Variants in PLCH2 observed in about 807,000 individuals in gnomAD.
The protein encoded by PLCH2 is phospholipase C eta 2, also known as 1-phosphatidylinositol 4,5-bisphosphate phosphodiesterase eta-2.
PLCH2 carries 98 observed loss-of-function variants against 134.7 expected under a neutral mutation model. The ratio of observed to expected loss-of-function variants is 0.73; its 90% CI spans 0.62 to 0.86. PLCH2 has a LOEUF of 0.86. Ranked by LOEUF, PLCH2 falls within the 40% of genes least tolerant of loss-of-function variation. The pLI, the probability that PLCH2 is intolerant of heterozygous loss-of-function variation, is 0.00. For synonymous variants in PLCH2, 974 were observed against 827.5 expected, an observed-to-expected ratio of 1.18 and a Z score of -3.04; for missense variants, 1,994 against 1,986.6, an observed-to-expected ratio of 1.00 and a Z score of -0.07.
intron 2 of PLCH2, among the ~76,000 whole-genome samples, chr1:2,432,519 C>G (rs917703654): frequency 5.9e-5 from 9 of 152,220 alleles, no homozygotes; most frequent in African/African-American, 2.2e-4. Flanking sequence ...GCTCCTGGGG[C>G]TAACGGGTGG....
intron 3 of PLCH2, 82 bp downstream of exon 3, chr1:2,480,059 C>T (rs1641877582): frequency 1.8e-5 from 28 of 1,579,080 alleles, no homozygotes; most frequent in Middle Eastern, 3.4e-4. Flanking sequence ...TGTCCTTTGC[C>T]GGGTCACACA....
rs552069075 is a variant in PLCH2, at chr1:2,458,136, G to C, written c.116-20340G>C. On this transcript the variant is annotated intron_variant, in intron 2 of 3. Transcript: ENST00000609981. ...ACCCAGGCCTGTCCTCGGGAGCTCT[G>C]ACAGCACAGGGAAGGTGGCCGGCTG... Among the ~76,000 whole-genome samples the C allele has an allele frequency of 7.2e-5, 11 of 152,316 alleles. No homozygotes were observed. In the East Asian group the frequency reaches 1.7e-3, roughly 24 times the overall value.
intron 15 of PLCH2, 145 bp from the exon 16 acceptor site, chr1:2,497,357 A>T: frequency 1.1e-5 from 7 of 649,380 alleles, no homozygotes; most frequent in Non-Finnish European, 1.9e-5. Flanking sequence ...TGAACCTTGG[A>T]GTCCCATTCA....
At chr1:2,485,771 C>G (rs2100676876) in intron 5 of PLCH2, among the ~76,000 whole-genome samples, 1 of 152,238 alleles carries the variant, frequency 6.6e-6, no homozygotes, top group Admixed American at 6.5e-5. Flanking sequence ...ATGGGAGTGG[C>G]AGGAGGAGCC....
At chr1:2,492,028 T>G (rs561883190) in intron 11 of PLCH2, among the ~76,000 whole-genome samples, 1 of 152,314 alleles carries the variant, frequency 6.6e-6, no homozygotes, top group African/African-American at 2.4e-5. Context: ...ACAGTGCTGG[T>G]GGGCGCCCAT....
At chr1:2,485,249 T>C (rs755512457) in intron 5 of PLCH2, among the ~76,000 whole-genome samples, 14 of 150,826 alleles carry the variant, frequency 9.3e-5, no homozygotes, top group Non-Finnish European at 1.8e-4. Context: ...AAGGACCTCA[T>C]TTCCAGAGGT....
intron 16 of PLCH2, chr1:2,497,959 G>C (rs1010280675): frequency 1.7e-5 from 5 of 301,898 alleles, no homozygotes; most frequent in African/African-American, 1.1e-4. Flanking sequence ...CTCAGGACCT[G>C]GGTCTGGGCT....
chr1:2,496,829 G>A lies in PLCH2; in HGVS notation c.1935G>A (p.Ala645=), dbSNP rs768071541. 1.3e-5 allele frequency: 21 copies of A among 1,611,592 alleles called. No homozygotes were observed. The highest frequency in any genetic ancestry group is 5.0e-5 in the Admixed American group (3 of 59,994). The change falls in exon 15 of 22, where the codon GCG becomes GCA. Residue 645 remains alanine (A), a splice_region_variant and synonymous_variant. Transcript: ENST00000378486. ...GATGCCCGGTCACCGGCGCCACAGC[G>A]GCGTCCAGCTGGCAGGTGTCGTCCT... is the stretch of plus-strand genomic sequence containing the variant. ...SVATHDIEME[A]ASSWQVSSFS... is the part of the protein sequence containing the mutation.
At position 2,448,003 on chromosome 1, in the gene PLCH2, G is replaced by A. The variant is rs560212406; in HGVS notation, c.115+17374G>A. Among the ~76,000 whole-genome samples the A allele has an allele frequency of 8.5e-5, 13 of 152,318 alleles. No individual in the cohort carries two copies. The East Asian group carries it at 1.9e-3, about 23-fold the overall frequency. On this transcript the variant is annotated intron_variant, in intron 2 of 3. Transcript: ENST00000609981. This position sits in a 1 kb window ranked among gnomAD's most constrained non-coding sequence, Gnocchi z 4.0. ...GAGATCATTCAGACCAGGCTGTGCC[G>A]CAGTGCCTGTGGGTGGAGGGCATGG...
At chr1:2,489,988 C>A in intron 10 of PLCH2, 121 bp downstream of exon 10, 1 of 736,066 alleles carries the variant, frequency 1.4e-6, no homozygotes, top group South Asian at 1.6e-5. Flanking sequence ...GACATTGGGG[C>A]AGATTCGCAC....
chr1:2,419,830 G>A, the PLCH2 span, among the ~76,000 whole-genome samples: 9 of 152,186 alleles, frequency 5.9e-5, no homozygotes, highest in South Asian at 4.1e-4. Context: ...GAAGCTGTCC[G>A]TAGAAGCTGG....
intron 2 of PLCH2, among the ~76,000 whole-genome samples, chr1:2,446,810 T>A (rs560844095): frequency 1.3e-5 from 2 of 152,264 alleles, no homozygotes; most frequent in African/African-American, 4.8e-5. Context: ...GGCAGGAATG[T>A]GATCATCCCT....
intron 4 of PLCH2, among the ~76,000 whole-genome samples, chr1:2,483,481 G>C (rs1411729000): frequency 6.6e-6 from 1 of 152,168 alleles, no homozygotes. Context: ...TAGGCACTGC[G>C]TCCCTTTGGG....
upstream of PLCH2, chr1:2,467,398 C>T (rs750506907): frequency 7.8e-6 from 3 of 385,888 alleles, no homozygotes; most frequent in African/African-American, 2.1e-5. Context: ...GGGGCTCCCA[C>T]GGGAGGGGCG....
intron 2 of PLCH2, among the ~76,000 whole-genome samples, chr1:2,447,342 C>T (rs1639989201): frequency 6.6e-6 from 1 of 152,226 alleles, no homozygotes; most frequent in South Asian, 2.1e-4. Context: ...GATCGCTGGA[C>T]CTGTGTTCCG....
At chr1:2,434,200 C>G (rs1199055776) in intron 2 of PLCH2, among the ~76,000 whole-genome samples, 3 of 152,256 alleles carry the variant, frequency 2.0e-5, no homozygotes, top group Non-Finnish European at 4.4e-5. Flanking sequence ...CTGGGTGTGC[C>G]AGGGGCCGGC....
At chr1:2,424,414 C>A (rs1227495578), upstream of PLCH2, among the ~76,000 whole-genome samples, 1 of 152,176 alleles carries the variant, frequency 6.6e-6, no homozygotes, top group East Asian at 1.9e-4. Flanking sequence ...GCTTTCTACC[C>A]TGCTTCTATG....
At chr1:2,425,009 C>A (rs1215491852), upstream of PLCH2, among the ~76,000 whole-genome samples, 1 of 151,420 alleles carries the variant, frequency 6.6e-6, no homozygotes, top group Non-Finnish European at 1.5e-5. Flanking sequence ...ACAAAAAACA[C>A]AAAATTAGAC....
chr1:2,477,541 G>A (rs1280030082), intron 1 of PLCH2, among the ~76,000 whole-genome samples: 1 of 152,206 alleles, frequency 6.6e-6, no homozygotes, highest in African/African-American at 2.4e-5. Flanking sequence ...TGGGACCCGG[G>A]CTTTCTGTGA....
Sources: allele counts gnomAD v4.1 joint callset (sites outside exome capture counted in the v4.1 genomes callset), GRCh38; gene constraint gnomAD v4.1.1; non-coding constraint Gnocchi (gnomAD v3.1); transcripts MANE v1.5; gene names NCBI Gene and HGNC (gene_info 2026-07-23, HGNC 2026-07-21).